Variants in NUP188 observed in about 807,000 individuals in gnomAD.
NUP188 encodes nucleoporin 188.
NUP188 carries 97 observed loss-of-function variants against 223.0 expected under a neutral mutation model. The ratio of observed to expected loss-of-function variants is 0.43; its 90% CI spans 0.37 to 0.51. NUP188 has a LOEUF of 0.51. Ranked by LOEUF, NUP188 falls within the 20% of genes least tolerant of loss-of-function variation. The pLI, the probability that NUP188 is intolerant of heterozygous loss-of-function variation, is 0.00. For missense variants in NUP188, 1,947 were observed against 2,175.6 expected (o/e 0.89, Z 2.09); for synonymous variants, 869 against 828.0 (o/e 1.05, Z -0.85).
At chr9:128,971,176 A>G (rs1221364770) in intron 11 of NUP188, among the ~76,000 whole-genome samples, 2 of 152,260 alleles carry the variant, frequency 1.3e-5, no homozygotes, top group South Asian at 4.1e-4. Flanking sequence ...ATTCTGTTTT[A>G]TACATTAGGA....
At chr9:128,974,626 T>C (rs1303830442) in intron 12 of NUP188, among the ~76,000 whole-genome samples, 2 of 152,148 alleles carry the variant, frequency 1.3e-5, no homozygotes, top group African/African-American at 4.8e-5. Context: ...CCAGTTATCA[T>C]CTCATGGATA....
intron 29 of NUP188, 38 bp from the exon 30 acceptor site, chr9:128,995,281 T>C (rs368356177): frequency 1.9e-5 from 30 of 1,547,132 alleles, no homozygotes; most frequent in Non-Finnish European, 2.6e-5. Flanking sequence ...CCCATCTGCT[T>C]TCAAAATCTA....
chr9:128,968,570 T>C lies in NUP188; in HGVS notation c.650T>C (p.Ile217Thr). The C allele has an allele frequency of 6.2e-7, 1 of 1,614,238 alleles. No homozygotes were observed. Among genetic ancestry groups the C allele is most frequent in the Non-Finnish European group, 8.5e-7 (1 of 1,180,030 alleles). ...CGGGAACAGTCCATGCTGCTAGAAATTATTTTCCTTTATTATGCATACTTT... is the reference window on the plus strand; with the variant it reads ...CGGGAACAGTCCATGCTGCTAGAAACTATTTTCCTTTATTATGCATACTTT... Reference protein sequence around the residue: ...CLREQSMLLEIIFLYYAYFEM... With the variant: ...CLREQSMLLETIFLYYAYFEM... The change falls in exon 9 of 44, where the codon ATT becomes ACT. Residue 217 changes from isoleucine to threonine, a missense_variant. Transcript: ENST00000372577.
intron 2 of NUP188, among the ~76,000 whole-genome samples, chr9:128,950,550 T>C (rs2131134539): frequency 6.6e-6 from 1 of 152,260 alleles, no homozygotes; most frequent in East Asian, 1.9e-4. Context: ...CCTAAAACTT[T>C]ATAAACGTGG....
chr9:128,947,792 C>A, intron 1 of NUP188, 41 bp downstream of exon 1: 5 of 1,366,522 alleles, frequency 3.7e-6, no homozygotes, highest in Non-Finnish European at 4.7e-6. Context: ...CTGTGAAGCG[C>A]GGTGTCAAAG....
chr9:128,995,375 G>A lies in NUP188; in HGVS notation c.3212G>A (p.Arg1071His), dbSNP rs748916922. ...DTLKKFSIEK[R>H]FAYWSGYVKS... is the part of the protein sequence containing the mutation. The stretch of plus-strand genomic sequence containing the variant: ...CTGAAGAAATTTTCCATCGAGAAAC[G>A]CTTTGCCTACTGGTCAGGGTATGTC... The change falls in exon 30 of 44, where the codon CGC becomes CAC. Residue 1071 changes from arginine (R) to histidine (H), a missense_variant. Physicochemically the swap from Arg to His is conservative, Grantham distance 29. This residue lies in a region of NUP188 where 905 missense variants were observed against 990.6 expected (regional missense o/e 0.91). Coordinates refer to ENST00000372577, the MANE Select transcript of NUP188 (RefSeq NM_015354.3). 12 of 1,614,018 alleles carry A rather than the reference G, an allele frequency of 7.4e-6. No individual in the cohort carries two copies. The highest frequency in any genetic ancestry group is 4.5e-5 in the East Asian group (2 of 44,894).
rs766373531 is a variant in NUP188, at chr9:128,958,802, A to G, written c.373A>G (p.Ile125Val). The G allele has an allele frequency of 6.4e-7, 1 of 1,563,134 alleles. No individual in the cohort carries two copies. The highest frequency in any genetic ancestry group is 8.7e-7 in the Non-Finnish European group (1 of 1,148,826). The change falls in exon 7 of 44, where the codon ATT (isoleucine) becomes GTT (valine). Residue 125 changes from isoleucine to valine, a missense_variant and splice_region_variant. Around this residue, in one of 3 missense-constraint regions of NUP188, gnomAD observed 817 missense variants for 865.8 expected, o/e 0.94. Transcript: ENST00000372577. ...ERQSQALILK[I>V]ADYYYEERTC... Reference sequence around the variant, plus strand: ...TGATTTTGAATTTTGGGTTCCTCAGATTGCAGATTATTATTATGAAGAAAG... The same window carrying G: ...TGATTTTGAATTTTGGGTTCCTCAGGTTGCAGATTATTATTATGAAGAAAG...
intron 17 of NUP188, 73 bp from the exon 18 acceptor site, chr9:128,983,220 G>C (rs536536198): frequency 1.0e-4 from 145 of 1,443,796 alleles, no homozygotes; most frequent in Admixed American, 1.8e-4. Flanking sequence ...GGAGAGAGAA[G>C]TGGAAAAATG....
intron 24 of NUP188, 30 bp downstream of exon 24, chr9:128,988,216 G>A: frequency 6.2e-7 from 1 of 1,611,650 alleles, no homozygotes. Context: ...TCACAACATG[G>A]TATGTATTTC....
At chr9:128,971,274 G>C (rs1252114714) in intron 11 of NUP188, among the ~76,000 whole-genome samples, 1 of 152,206 alleles carries the variant, frequency 6.6e-6, no homozygotes, top group Admixed American at 6.5e-5. Flanking sequence ...TGCCAGTAAA[G>C]TATGTCTTAA....
intron 12 of NUP188, among the ~76,000 whole-genome samples, chr9:128,977,748 G>A (rs753013811): frequency 1.3e-5 from 2 of 151,824 alleles, no homozygotes; most frequent in Admixed American, 6.6e-5. Context: ...GCAGTGAGCC[G>A]AGATTGTGCT....
intron 3 of NUP188, among the ~76,000 whole-genome samples, chr9:128,954,031 T>C (rs1333515066): frequency 6.6e-6 from 1 of 151,860 alleles, no homozygotes; most frequent in Non-Finnish European, 1.5e-5. Flanking sequence ...GGTTTCACCA[T>C]GTTGGCCAGG....
At chr9:128,978,039 A>G (rs896567162) in intron 12 of NUP188, among the ~76,000 whole-genome samples, 4 of 152,148 alleles carry the variant, frequency 2.6e-5, no homozygotes, top group African/African-American at 9.7e-5. Context: ...TACAGCAGAC[A>G]CAACACACCC....
At chr9:128,967,671 T>C (rs1417396220) in intron 8 of NUP188, among the ~76,000 whole-genome samples, 1 of 151,754 alleles carries the variant, frequency 6.6e-6, no homozygotes, top group Non-Finnish European at 1.5e-5. Context: ...GCGCCTGTAA[T>C]CCCAGCTACT....
intron 24 of NUP188, 119 bp downstream of exon 24, chr9:128,988,305 G>T: frequency 8.8e-7 from 1 of 1,136,102 alleles, no homozygotes. Context: ...GCTTCTTGAG[G>T]AAGTTTGGGA....
At chr9:128,952,265 G>A (rs1468363549) in intron 2 of NUP188, among the ~76,000 whole-genome samples, 1 of 152,068 alleles carries the variant, frequency 6.6e-6, no homozygotes, top group Non-Finnish European at 1.5e-5. Flanking sequence ...CTGGCATGGT[G>A]GCGTGCGCCT....
intron 8 of NUP188, among the ~76,000 whole-genome samples, chr9:128,963,509 T>TG (rs35540636): frequency 0.39 from 59,128 of 151,698 alleles, 11,727 homozygotes; most frequent in Admixed American, 0.43. Flanking sequence ...CAGCCGTAAA[T>TG]GAAATTTTTA....
At chr9:129,001,819 C>A in intron 35 of NUP188, 65 bp from the exon 36 acceptor site, 1 of 1,591,942 alleles carries the variant, frequency 6.3e-7, no homozygotes. Context: ...AGCCTGAGAG[C>A]CCTACCTACC....
chr9:128,969,654 T>C, intron 10 of NUP188, 140 bp downstream of exon 10: 1 of 534,878 alleles, frequency 1.9e-6, no homozygotes, highest in Admixed American at 3.9e-5. Flanking sequence ...GTTTTCGTTT[T>C]GTTTTGTTTT....
Sources: allele counts gnomAD v4.1 joint callset (sites outside exome capture counted in the v4.1 genomes callset), GRCh38; gene constraint gnomAD v4.1.1; regional missense constraint gnomAD v4.1.1; transcripts MANE v1.5; gene names NCBI Gene and HGNC (gene_info 2026-07-23, HGNC 2026-07-21).